FMN1: variants seen among roughly 807,000 people sequenced by gnomAD.
FMN1 encodes the protein formin-1.
FMN1 carries 110 observed loss-of-function variants against 132.4 expected under a neutral mutation model. That is an observed-to-expected ratio of 0.83 (90% CI 0.71 to 0.97). FMN1 has a LOEUF of 0.97. Among genes scored for constraint, FMN1 ranks in the 50% least tolerant of loss-of-function variants. The probability of loss-of-function intolerance (pLI) is 0.00; values close to 1 mark genes in which losing one functional copy is unlikely to be tolerated. For synonymous variants in FMN1, 722 were observed against 651.7 expected, an observed-to-expected ratio of 1.11 and a Z score of -1.64; for missense variants, 1,792 against 1,705.3, an observed-to-expected ratio of 1.05 and a Z score of -0.90.
chr15:32,966,766 A>T (rs1270127708), intron 8 of FMN1, among the ~76,000 whole-genome samples: 2 of 152,250 alleles, frequency 1.3e-5, no homozygotes, highest in Non-Finnish European at 2.9e-5. Flanking sequence ...TGCAATCATT[A>T]TATAAACTAC....
intron 16 of FMN1, among the ~76,000 whole-genome samples, chr15:32,868,361 A>G (rs947674366): frequency 1.3e-5 from 2 of 152,216 alleles, no homozygotes; most frequent in Admixed American, 6.5e-5. Context: ...TCAGTATTCT[A>G]CTGAATAATG....
chr15:32,841,922 G>C (rs571688581), intron 17 of FMN1, among the ~76,000 whole-genome samples: 1 of 152,164 alleles, frequency 6.6e-6, no homozygotes, highest in Non-Finnish European at 1.5e-5. Context: ...AAGCCCACTA[G>C]TTAAGAGTCC....
intron 17 of FMN1, among the ~76,000 whole-genome samples, chr15:32,820,115 A>T (rs1456183900): frequency 1.3e-5 from 2 of 152,198 alleles, no homozygotes; most frequent in Non-Finnish European, 2.9e-5. Context: ...TACAACCTGA[A>T]GGGTGTATAT....
chr15:32,865,845 A>AG (rs2059378960), intron 16 of FMN1, among the ~76,000 whole-genome samples: 1 of 133,606 alleles, frequency 7.5e-6, no homozygotes, highest in East Asian at 2.5e-4. Flanking sequence ...TCAAAAAAAA[A>AG]AAAAAAAATA....
chr15:32,915,920 A>T (rs1392688342), intron 10 of FMN1, among the ~76,000 whole-genome samples: 1 of 152,254 alleles, frequency 6.6e-6, no homozygotes, highest in African/African-American at 2.4e-5. Context: ...TAATTTTATT[A>T]GATTCCTTTA....
At chr15:32,992,343 T>G (rs2033485337) in intron 7 of FMN1, among the ~76,000 whole-genome samples, 1 of 152,190 alleles carries the variant, frequency 6.6e-6, no homozygotes, top group Non-Finnish European at 1.5e-5. Flanking sequence ...AACCCTCTTC[T>G]CATTATAATA....
intron 4 of FMN1, among the ~76,000 whole-genome samples, chr15:33,100,955 T>C (rs369757177): frequency 1.3e-5 from 2 of 152,186 alleles, no homozygotes; most frequent in African/African-American, 4.8e-5. Flanking sequence ...AAGTATGAAA[T>C]ACAATTCTTA....
intron 10 of FMN1, among the ~76,000 whole-genome samples, chr15:32,919,639 G>C (rs2060772149): frequency 6.6e-6 from 1 of 152,128 alleles, no homozygotes; most frequent in Non-Finnish European, 1.5e-5. Context: ...AATAGACCTT[G>C]AGAAACATGC....
At chr15:32,877,035 C>T (rs1459795790) in intron 16 of FMN1, among the ~76,000 whole-genome samples, 1 of 152,174 alleles carries the variant, frequency 6.6e-6, no homozygotes, top group Non-Finnish European at 1.5e-5. Context: ...CCTGTAATCC[C>T]AGCACTTTGG....
At chr15:32,776,946 G>C (rs1319640263) in intron 19 of FMN1, 27 bp from the exon 20 acceptor site, 1 of 1,352,002 alleles carries the variant, frequency 7.4e-7, no homozygotes. Context: ...GAAAAGACAG[G>C]GGAGAGAGGG....
chr15:32,975,094 C>A (rs189575706), intron 7 of FMN1, among the ~76,000 whole-genome samples: 94 of 152,296 alleles, frequency 6.2e-4, no homozygotes, highest in African/African-American at 2.2e-3. Context: ...ACCTTTTATC[C>A]ATTTTCGCCT....
chr15:32,843,386 T>C (rs2058788077), intron 17 of FMN1, among the ~76,000 whole-genome samples: 2 of 152,212 alleles, frequency 1.3e-5, no homozygotes. Flanking sequence ...CAGTCATGAC[T>C]ACAAACTAGA....
rs556555503 is a variant in FMN1, at chr15:32,906,301, T to C, written c.3377+2189A>G. The stretch of plus-strand genomic sequence containing the variant: ...GGCCCATGAATTAAAAGAACGATGT[T>C]TACGTTTCTAAATTGTTGAAAAAAG... On this transcript the variant is annotated intron_variant, in intron 12 of 20. Coordinates refer to ENST00000616417, the MANE Select transcript of FMN1 (RefSeq NM_001277313.2). 6.6e-5 allele frequency among the ~76,000 whole-genome samples: 10 copies of C among 152,296 alleles called. No individual in the cohort carries two copies. In the South Asian group the frequency reaches 1.9e-3, roughly 28 times the overall value.
chr15:33,165,268 T>C (rs1309363632), intron 3 of FMN1, among the ~76,000 whole-genome samples: 1 of 152,218 alleles, frequency 6.6e-6, no homozygotes, highest in Non-Finnish European at 1.5e-5. Context: ...GAGTTTGCTT[T>C]TATGAGAACT....
intron 6 of FMN1, among the ~76,000 whole-genome samples, chr15:33,048,644 A>AAACAAAAAAAAAAAAACAAAAAC (rs1555388954): frequency 3.5e-5 from 3 of 86,920 alleles, no homozygotes; most frequent in African/African-American, 1.2e-4. Flanking sequence ...AAAAAAAAAA[A>AAACAAAAAAAAAAAAACAAAAAC]AAAAACCAAC....
At chr15:33,181,617 T>G (rs1391866159) in intron 2 of FMN1, among the ~76,000 whole-genome samples, 4 of 152,152 alleles carry the variant, frequency 2.6e-5, no homozygotes, top group Admixed American at 2.6e-4. Flanking sequence ...GAGTCCAAAT[T>G]TTATTCTAAG....
chr15:32,876,879 T>C (rs2059649464), intron 16 of FMN1, among the ~76,000 whole-genome samples: 1 of 152,358 alleles, frequency 6.6e-6, no homozygotes, highest in South Asian at 2.1e-4. Flanking sequence ...AACATTTAAT[T>C]TGTTGTAAGT....
rs1366559875 is a variant in FMN1 at position 32,769,063 on chromosome 15, A to C, written c.*5247T>G. 6.6e-6 allele frequency: 1 copy of C among 152,224 alleles called. No homozygotes were observed. Among genetic ancestry groups the C allele is most frequent in the Non-Finnish European group, 1.5e-5 (1 of 68,060 alleles). The allele number at this position is 152,224 out of a possible 1,614,324, so 9.4% of individuals were successfully genotyped here. ...GGAGGAAATGAGTTCCGTAAGTTCC[A>C]CCAGACAGCAGACCTACTGAATGAG... On this transcript the variant is annotated 3_prime_UTR_variant, in exon 21 of 21. Coordinates refer to ENST00000616417, the MANE Select transcript of FMN1 (RefSeq NM_001277313.2).
At chr15:32,813,994 A>T (rs1285974655) in intron 17 of FMN1, among the ~76,000 whole-genome samples, 2 of 152,234 alleles carry the variant, frequency 1.3e-5, no homozygotes, top group African/African-American at 4.8e-5. Flanking sequence ...AGGAATAGAT[A>T]CATCAGAGAG....
Sources: gnomAD v4.1 joint callset for allele counts (sites outside exome capture counted in the v4.1 genomes callset) on GRCh38, gnomAD v4.1.1 for gene constraint, MANE v1.5 for transcripts, NCBI Gene and HGNC (gene_info 2026-07-23, HGNC 2026-07-21) for gene names.